The following CLEC17A variants were observed in gnomAD, a reference collection of about 807,000 sequenced individuals.
CLEC17A encodes the protein C-type lectin domain containing 17A.
In CLEC17A, 37 loss-of-function variants were observed where a neutral mutation model predicts 61.3. The observed-to-expected ratio is 0.60, with a 90% CI of 0.46 to 0.79. The LOEUF (loss-of-function observed/expected upper bound fraction) is 0.79, where lower values mean the gene tolerates loss of function less well. Among genes scored for constraint, CLEC17A ranks in the 30% least tolerant of loss-of-function variants. The pLI is 0.00. For synonymous variants in CLEC17A, 168 were observed against 164.9 expected, an observed-to-expected ratio of 1.02 and a Z score of -0.14; for missense variants, 418 against 464.7, an observed-to-expected ratio of 0.90 and a Z score of 0.92.
intron 13 of CLEC17A, 22 bp from the exon 14 acceptor site, chr19:14,610,042 G>A (rs772412745): frequency 1.3e-6 from 2 of 1,589,062 alleles, no homozygotes; most frequent in African/African-American, 1.3e-5. Flanking sequence ...CTGTCCCTCT[G>A]CCCACTTTTT....
At chr19:14,609,450 C>T (rs576256216) in intron 13 of CLEC17A, among the ~76,000 whole-genome samples, 1 of 152,242 alleles carries the variant, frequency 6.6e-6, no homozygotes, top group East Asian at 1.9e-4. Context: ...TAAGCAAGAG[C>T]CCACATGATC....
Position 14,610,212 on chromosome 19 carries a change from C to G in CLEC17A, c.*16C>G. 1 of 1,551,438 alleles carries G rather than the reference C, an allele frequency of 6.4e-7. No homozygotes were observed. The highest frequency in any genetic ancestry group is 8.7e-7 in the Non-Finnish European group (1 of 1,148,386). On this transcript the variant is annotated 3_prime_UTR_variant, in exon 14 of 14. Coordinates refer to ENST00000417570, the MANE Select transcript of CLEC17A (RefSeq NM_001204118.2). ...TTCCTGTTGAAGCCCAGGGCCGAGG[C>G]TGGGGGTCCATATCTGAGTGTCTCT... is the stretch of plus-strand genomic sequence containing the variant.
chr19:14,582,197 G>A (rs897243966), upstream of CLEC17A, among the ~76,000 whole-genome samples: 1 of 151,184 alleles, frequency 6.6e-6, no homozygotes, highest in East Asian at 1.9e-4. Flanking sequence ...TCCCTTCTAC[G>A]AGGACCCTTG....
At chr19:14,602,954 C>T (rs919546409) in intron 12 of CLEC17A, among the ~76,000 whole-genome samples, 3 of 151,854 alleles carry the variant, frequency 2.0e-5, no homozygotes, top group South Asian at 2.1e-4. Flanking sequence ...AGATTGGTCT[C>T]GAACTCCTGA....
intron 10 of CLEC17A, 40 bp from the exon 11 acceptor site, chr19:14,599,677 G>T: frequency 6.8e-7 from 1 of 1,466,886 alleles, no homozygotes; most frequent in Non-Finnish European, 9.5e-7. Context: ...GGTAGGATGG[G>T]TTCTCAGTCT....
At chr19:14,595,225 CAG>C (rs1313984848) in intron 7 of CLEC17A, 47 bp from the exon 8 acceptor site, 11 of 1,604,838 alleles carry the variant, frequency 6.9e-6, no homozygotes, top group Admixed American at 6.7e-5. Flanking sequence ...TCTTGGAAGA[CAG>C]AGTCTTTGGC....
chr19:14,583,203 G>A lies in CLEC17A; in HGVS notation c.43G>A (p.Gly15Arg). Residue 15 changes from glycine (G) to arginine (R), a missense_variant and splice_region_variant, in exon 1 of 14, where the codon GGG becomes AGG. Physicochemically the swap from Gly to Arg is moderately radical, Grantham distance 125. Transcript: ENST00000417570. ...YSITGYPDPPGTMEEEEEDDD... is the reference protein window; with the variant it reads ...YSITGYPDPPRTMEEEEEDDD... Reference sequence around the variant, plus strand: ...CATCACTGGGTACCCGGACCCACCAGGTAAGGCCCCGGCCAGGCTGGGGCT... The same window carrying A: ...CATCACTGGGTACCCGGACCCACCAAGTAAGGCCCCGGCCAGGCTGGGGCT... 6.2e-7 allele frequency: 1 copy of A among 1,613,952 alleles called. No individual in the cohort carries two copies.
intron 12 of CLEC17A, among the ~76,000 whole-genome samples, chr19:14,605,797 G>A (rs2074850136): frequency 6.6e-6 from 1 of 152,194 alleles, no homozygotes; most frequent in Non-Finnish European, 1.5e-5. Context: ...GGAGTGCAGT[G>A]GTGCATTCAT....
intron 8 of CLEC17A, among the ~76,000 whole-genome samples, chr19:14,595,981 G>T: frequency 1.3e-5 from 2 of 152,246 alleles, no homozygotes; most frequent in Admixed American, 6.5e-5. Flanking sequence ...CAATGTTGTT[G>T]GTAGAGATGA....
intron 3 of CLEC17A, among the ~76,000 whole-genome samples, chr19:14,591,235 A>AT (rs1434450370): frequency 1.3e-5 from 2 of 151,102 alleles, no homozygotes; most frequent in Middle Eastern, 3.5e-3. Flanking sequence ...GCTCACTGCA[A>AT]GCTCCGCCTC....
intron 2 of CLEC17A, among the ~76,000 whole-genome samples, chr19:14,585,908 C>A (rs2074268943): frequency 6.7e-6 from 1 of 149,814 alleles, no homozygotes; most frequent in Non-Finnish European, 1.5e-5. Flanking sequence ...AGATAACTGA[C>A]CCAGTGCCCT....
intron 12 of CLEC17A, among the ~76,000 whole-genome samples, chr19:14,606,592 A>G (rs950384527): frequency 2.0e-5 from 3 of 151,228 alleles, no homozygotes; most frequent in Admixed American, 6.6e-5. Context: ...AGGCGGGAGA[A>G]TCGCTTGAAC....
At position 14,595,253 on chromosome 19, in the gene CLEC17A, C is replaced by T. The variant is rs753016369; in HGVS notation, c.404-21C>T. ...AGTCTTTGGCATCTTCTGAATAAAC[C>T]TCTCTCCCCCTTTCTCCCAGCTGTG... is the stretch of plus-strand genomic sequence containing the variant. On this transcript the variant is annotated intron_variant, in intron 7 of 13. Coordinates refer to ENST00000417570, the MANE Select transcript of CLEC17A (RefSeq NM_001204118.2). 10 of 1,613,722 alleles carry T rather than the reference C, an allele frequency of 6.2e-6. No homozygotes were observed. The South Asian group carries it at 1.1e-4, about 18-fold the overall frequency.
intron 7 of CLEC17A, 54 bp from the exon 8 acceptor site, chr19:14,595,220 G>A (rs2146698452): frequency 1.3e-6 from 2 of 1,599,962 alleles, no homozygotes; most frequent in Admixed American, 1.7e-5. Context: ...GTTGATCTTG[G>A]AAGACAGAGT....
intron 4 of CLEC17A, among the ~76,000 whole-genome samples, chr19:14,594,077 G>A (rs540306891): frequency 6.6e-6 from 1 of 152,238 alleles, no homozygotes; most frequent in South Asian, 2.1e-4. Flanking sequence ...GAGGTCAGGA[G>A]TTCGAGACCA....
At chr19:14,586,975 A>G (rs1271187323) in intron 2 of CLEC17A, among the ~76,000 whole-genome samples, 1 of 143,380 alleles carries the variant, frequency 7.0e-6, no homozygotes, top group African/African-American at 2.6e-5. Flanking sequence ...TGCAACCTCC[A>G]CCTCCTGAGT....
At chr19:14,583,740 A>C (rs1160414851) in intron 2 of CLEC17A, among the ~76,000 whole-genome samples, 1 of 152,126 alleles carries the variant, frequency 6.6e-6, no homozygotes, top group African/African-American at 2.4e-5. Context: ...GACATATCTT[A>C]AGAAGAGAAG....
chr19:14,602,044 G>A (rs1178213621), intron 12 of CLEC17A, among the ~76,000 whole-genome samples: 8 of 151,852 alleles, frequency 5.3e-5, no homozygotes, highest in Admixed American at 3.3e-4. Context: ...TGCCTGCCTC[G>A]GCCTCCCAAA....
intron 10 of CLEC17A, 116 bp from the exon 11 acceptor site, chr19:14,599,601 T>A: frequency 1.3e-6 from 1 of 763,960 alleles, no homozygotes; most frequent in Non-Finnish European, 2.3e-6. Flanking sequence ...CCCACTGGAA[T>A]GTGGACACAG....
Sources: gnomAD v4.1 joint callset for allele counts (sites outside exome capture counted in the v4.1 genomes callset) on GRCh38, gnomAD v4.1.1 for gene constraint, MANE v1.5 for transcripts, NCBI Gene and HGNC (gene_info 2026-07-23, HGNC 2026-07-21) for gene names.